Variants in MAP7D2 observed in about 807,000 individuals in gnomAD.
MAP7D2 encodes the protein MAP7 domain-containing protein 2.
MAP7D2 carries 33 observed loss-of-function variants against 63.5 expected under a neutral mutation model. The observed-to-expected ratio is 0.52, with a 90% CI of 0.39 to 0.70. MAP7D2 has a LOEUF of 0.70. Ranked by LOEUF, MAP7D2 falls within the 30% of genes least tolerant of loss-of-function variation. MAP7D2 has a pLI of 0.00. For synonymous variants in MAP7D2, 224 were observed against 223.7 expected (o/e 1.00, Z -0.01); for missense variants, 626 against 604.0 (o/e 1.04, Z -0.38).
intron 1 of MAP7D2, among the ~76,000 whole-genome samples, chrX:20,072,393 T>C (rs1257516589): frequency 9.0e-6 from 1 of 111,400 alleles, no homozygotes; most frequent in Non-Finnish European, 1.9e-5. Flanking sequence ...ACCCTCCCGA[T>C]GCCCTCTCTC....
chrX:20,041,906 T>C (rs2064665811), intron 8 of MAP7D2, among the ~76,000 whole-genome samples: 2 of 111,533 alleles, frequency 1.8e-5, no homozygotes, highest in Non-Finnish European at 3.8e-5. Flanking sequence ...TGCATGGGCA[T>C]AGTGGTCCCA....
At position 20,007,931 on chromosome X, in the gene MAP7D2, A is replaced by T. The variant is rs1308256167; in HGVS notation, c.*494T>A. 2 of 112,184 alleles carry T rather than the reference A, an allele frequency of 1.8e-5. No homozygotes were observed. Among genetic ancestry groups the T allele is most frequent in the Non-Finnish European group, 3.8e-5 (2 of 53,249 alleles). 9.2% of individuals were successfully genotyped at this position (112,184 alleles called of 1,213,427 possible). A position where few individuals can be genotyped will look rare whatever the true frequency, so the allele number is the denominator to read the frequency against. On this transcript the variant is annotated 3_prime_UTR_variant, in exon 17 of 17. Transcript: ENST00000379643. ...CAACAGAGAAACTCTGGAGATGGGG[A>T]ACCTCCTGAATTTCTTCTCTGTCTC...
intron 1 of MAP7D2, among the ~76,000 whole-genome samples, chrX:20,083,432 T>C (rs1282762933): frequency 8.9e-6 from 1 of 111,962 alleles, no homozygotes; most frequent in Non-Finnish European, 1.9e-5. Flanking sequence ...ACCTGGGCTG[T>C]TGTGGCTGTC....
intron 8 of MAP7D2, among the ~76,000 whole-genome samples, chrX:20,041,489 G>A (rs2064654246): frequency 8.9e-6 from 1 of 111,985 alleles, no homozygotes; most frequent in Non-Finnish European, 1.9e-5. Flanking sequence ...TAATAGTAGT[G>A]AAAAAGTCTC....
At chrX:20,084,126 G>A (rs770325586) in intron 1 of MAP7D2, among the ~76,000 whole-genome samples, 1 of 108,084 alleles carries the variant, frequency 9.3e-6, no homozygotes, top group African/African-American at 3.4e-5. Flanking sequence ...ACTTGAACCC[G>A]GGAGGCGGAG....
chrX:20,030,926 C>T (rs758300632), intron 8 of MAP7D2, among the ~76,000 whole-genome samples: 17 of 112,102 alleles, frequency 1.5e-4, no homozygotes, highest in African/African-American at 5.5e-4. Context: ...AACCTGAATG[C>T]AATCAGAGGA....
rs138840713 is a variant in MAP7D2 at position 20,015,130 on chromosome X, A to T, written c.1749+93T>A. On this transcript the variant is annotated intron_variant, in intron 12 of 16. Coordinates refer to ENST00000379643, the MANE Select transcript of MAP7D2 (RefSeq NM_001168465.2). Reference sequence around the variant, plus strand: ...TATCAATGAACTTGACCTAACTGACAATCCTAGGATCATTCTATCCAATCA... The same window carrying T: ...TATCAATGAACTTGACCTAACTGACTATCCTAGGATCATTCTATCCAATCA... 3.6e-5 allele frequency: 23 copies of T among 636,566 alleles called. 2 individuals carry two copies. The East Asian group carries it at 7.5e-4, about 21-fold the overall frequency. The allele number at this position is 636,566 out of a possible 1,213,427, so 52.5% of individuals were successfully genotyped here. A position where few individuals can be genotyped will look rare whatever the true frequency, so the allele number is the denominator to read the frequency against.
At position 20,008,077 on chromosome X, in the gene MAP7D2, T is replaced by C. The variant is rs1404467042; in HGVS notation, c.*348A>G. Reference sequence around the variant, plus strand: ...TGTTTATGTGCTCCAACTTTGGGAATAAGAATGGTTATAAAGCGAATTGCC... The same window carrying C: ...TGTTTATGTGCTCCAACTTTGGGAACAAGAATGGTTATAAAGCGAATTGCC... On this transcript the variant is annotated 3_prime_UTR_variant, in exon 17 of 17. Coordinates refer to ENST00000379643, the MANE Select transcript of MAP7D2 (RefSeq NM_001168465.2). 1 of 112,204 alleles carries C rather than the reference T, an allele frequency of 8.9e-6. No individual in the cohort carries two copies. The highest frequency in any genetic ancestry group is 3.2e-5 in the African/African-American group (1 of 30,856). The allele number at this position is 112,204 out of a possible 1,213,427, so 9.2% of individuals were successfully genotyped here.
intron 1 of MAP7D2, among the ~76,000 whole-genome samples, chrX:20,080,682 C>T (rs1002031664): frequency 9.0e-6 from 1 of 111,468 alleles, no homozygotes; most frequent in African/African-American, 3.3e-5. Flanking sequence ...GAGTACAGTG[C>T]CCTGGGAGCA....
chrX:20,050,177 T>G (rs1056027686), intron 6 of MAP7D2, among the ~76,000 whole-genome samples: 56 of 111,428 alleles, frequency 5.0e-4, no homozygotes, highest in Middle Eastern at 4.6e-3. Context: ...CTTGATCTGC[T>G]TTGATAAAGG....
At chrX:20,035,616 C>T (rs1569517844) in intron 8 of MAP7D2, among the ~76,000 whole-genome samples, 4 of 111,108 alleles carry the variant, frequency 3.6e-5, no homozygotes, top group African/African-American at 6.6e-5. Context: ...GTTGGCCAGG[C>T]GTGGTTGCTC....
At chrX:20,016,383 G>C in intron 10 of MAP7D2, 58 bp from the exon 11 acceptor site, 1 of 1,032,553 alleles carries the variant, frequency 9.7e-7, no homozygotes, top group Non-Finnish European at 1.3e-6. Context: ...AACTGCCAGA[G>C]AACTGTGTGC....
intron 1 of MAP7D2, among the ~76,000 whole-genome samples, chrX:20,108,228 TTTTTTATTTTATTTTTTTTTTTTTGAGA>T (rs2066623373): frequency 1.7e-5 from 1 of 59,887 alleles, no homozygotes; most frequent in African/African-American, 6.7e-5. Flanking sequence ...AGCATGCTTC[TTTTTTATTTTATTTTTTTTTTTTTGAGA>T]CAGAGTCTCA....
intron 1 of MAP7D2, among the ~76,000 whole-genome samples, chrX:20,100,617 G>C (rs745754221): frequency 6.4e-5 from 7 of 109,582 alleles, no homozygotes; most frequent in South Asian, 4.0e-4. Flanking sequence ...GTAGAGCTGG[G>C]GGGGAGGGAG....
intron 6 of MAP7D2, among the ~76,000 whole-genome samples, chrX:20,046,678 C>T (rs1399594373): frequency 3.6e-5 from 4 of 112,467 alleles, no homozygotes; most frequent in Non-Finnish European, 5.6e-5. Context: ...TGATACAAAC[C>T]TACTTTAAAA....
intron 1 of MAP7D2, among the ~76,000 whole-genome samples, chrX:20,094,566 ATACATATATATG>A (rs2066201300): frequency 1.2e-4 from 1 of 8,508 alleles, no homozygotes; most frequent in African/African-American, 4.5e-4. Context: ...ATATATATAT[ATACATATATATG>A]TATATATATA....
At position 20,050,710 on chromosome X, in the gene MAP7D2, T is replaced by C. The variant is rs770378818; in HGVS notation, c.718+114A>G. The C allele has an allele frequency of 1.2e-4, 103 of 893,106 alleles. No homozygotes were observed. The South Asian group carries it at 3.1e-3, about 27-fold the overall frequency. The allele number at this position is 893,106 out of a possible 1,213,427, so 73.6% of individuals were successfully genotyped here. A position where few individuals can be genotyped will look rare whatever the true frequency, so the allele number is the denominator to read the frequency against. ...TAAGACGTTATTAACCAATGAAGAC[T>C]TTTCACAAAGCCAGCAAATAGGAAG... On this transcript the variant is annotated intron_variant, in intron 6 of 16. Transcript: ENST00000379643.
At chrX:20,031,715 C>T (rs1017902010) in intron 8 of MAP7D2, among the ~76,000 whole-genome samples, 1 of 111,218 alleles carries the variant, frequency 9.0e-6, no homozygotes, top group African/African-American at 3.3e-5. Context: ...TGCAGTAAGC[C>T]GAGATCACAG....
chrX:20,063,147 A>C (rs1164406334), intron 3 of MAP7D2, among the ~76,000 whole-genome samples: 1 of 112,057 alleles, frequency 8.9e-6, no homozygotes, highest in Non-Finnish European at 1.9e-5. Context: ...CTTCACAGAC[A>C]CACAAATCAA....
Sources: gnomAD v4.1 joint callset for allele counts (sites outside exome capture counted in the v4.1 genomes callset) on GRCh38, gnomAD v4.1.1 for gene constraint, MANE v1.5 for transcripts, NCBI Gene and HGNC (gene_info 2026-07-23, HGNC 2026-07-21) for gene names.